FBN2: variants seen among roughly 807,000 people sequenced by gnomAD.
FBN2 encodes the protein fibrillin-2.
Under a neutral mutation model 355.6 loss-of-function variants are expected in FBN2, and 105 were observed. The observed-to-expected ratio is 0.30, with a 90% CI of 0.25 to 0.35. The LOEUF (loss-of-function observed/expected upper bound fraction) is 0.35. Ranked by LOEUF, FBN2 falls within the 10% of genes least tolerant of loss-of-function variation. The pLI, the probability that FBN2 is intolerant of heterozygous loss-of-function variation, is 1.00. For missense variants in FBN2, 3,280 were observed against 3,758.7 expected, an observed-to-expected ratio of 0.87 and a Z score of 3.33; for synonymous variants, 1,350 against 1,301.2, an observed-to-expected ratio of 1.04 and a Z score of -0.81.
intron 7 of FBN2, among the ~76,000 whole-genome samples, chr5:128,429,398 TA>T (rs1489304584): frequency 6.6e-6 from 1 of 152,150 alleles, no homozygotes; most frequent in East Asian, 1.9e-4. Context: ...GCAGTATTCC[TA>T]AAAAAATCGG....
chr5:128,310,098 C>T lies in FBN2; in HGVS notation c.5085G>A (p.Glu1695=), dbSNP rs781776855. 3 of 1,612,340 alleles carry T rather than the reference C, an allele frequency of 1.9e-6. No individual in the cohort carries two copies. The East Asian group carries it at 6.7e-5, about 36-fold the overall frequency. The change falls in exon 40 of 65, where the codon GAG becomes GAA. Residue 1695 remains glutamate, a synonymous_variant. Transcript: ENST00000262464. The stretch of plus-strand genomic sequence containing the variant: ...CACACACACCAGGATGTGCAAAACA[C>T]TCATCAATATCTAGAGTAGGCAAGA... ...EDTRICEDID[E]CFAHPGVCGP...
At chr5:128,370,005 G>A (rs1256763149) in intron 15 of FBN2, among the ~76,000 whole-genome samples, 2 of 152,208 alleles carry the variant, frequency 1.3e-5, no homozygotes, top group African/African-American at 4.8e-5. Context: ...AGATGAGGAA[G>A]ATGAGGTTCA....
Position 128,289,155 on chromosome 5 carries a change from G to T in FBN2, c.6609C>A (p.Asn2203Lys), listed in dbSNP as rs761101580. The T allele has an allele frequency of 3.7e-6, 6 of 1,613,966 alleles. No individual in the cohort carries two copies. The East Asian group carries it at 8.9e-5, about 24-fold the overall frequency. The stretch of plus-strand genomic sequence containing the variant: ...CACAGCGTACTCCAGTGTAGTCAAG[G>T]TTGTAGCCCATTGGACATTCACAGC... ...SFRCECPMGYNLDYTGVRCVD... is the reference protein window; with the variant it reads ...SFRCECPMGYKLDYTGVRCVD... The change falls in exon 52 of 65, where the codon AAC (asparagine) becomes AAA (lysine). Residue 2203 changes from asparagine (N) to lysine (K), a missense_variant. By Grantham distance (94) the Asn-to-Lys change is moderately conservative. Transcript: ENST00000262464.
At chr5:128,364,479 T>G in intron 18 of FBN2, 121 bp downstream of exon 18, 6 of 1,050,972 alleles carry the variant, frequency 5.7e-6, no homozygotes, top group Non-Finnish European at 7.0e-6. Context: ...ATGTGTAATA[T>G]GAAGAAAACA....
At position 128,324,865 on chromosome 5, in the gene FBN2, G is replaced by A. The variant is rs1046250991; in HGVS notation, c.4471+3831C>T. Among the ~76,000 whole-genome samples, 10 of 152,078 alleles carry A rather than the reference G, an allele frequency of 6.6e-5. 1 individual carries two copies. Among genetic ancestry groups the A allele is most frequent in the East Asian group, 1.9e-4 (1 of 5,158 alleles). On this transcript the variant is annotated intron_variant, in intron 34 of 64. Transcript: ENST00000262464. ...TGATCACCTGACCTCATGATCCACC[G>A]GCCTTGGCCTCCCAAAGTGTTAGGA...
intron 34 of FBN2, among the ~76,000 whole-genome samples, chr5:128,326,943 A>G (rs1450154635): frequency 6.6e-6 from 1 of 152,206 alleles, no homozygotes; most frequent in Admixed American, 6.5e-5. Flanking sequence ...GTAATACACA[A>G]TTAGGAAGGA....
intron 5 of FBN2, among the ~76,000 whole-genome samples, chr5:128,512,980 T>C (rs771603745): frequency 1.3e-5 from 2 of 152,204 alleles, no homozygotes; most frequent in Non-Finnish European, 2.9e-5. Flanking sequence ...AGGCATCAGA[T>C]AGGGCAATCA....
rs115772552 is a variant in FBN2, at chr5:128,259,919, G to T, written c.8365-90C>A. ...GATCAGCTGCAGGGGCTTTGGTCAC[G>T]AGGACAGGCTGTGGCTTCCCACTCC... On this transcript the variant is annotated intron_variant, in intron 64 of 64. Coordinates refer to ENST00000262464, the MANE Select transcript of FBN2 (RefSeq NM_001999.4). 1.9e-3 allele frequency: 2,701 copies of T among 1,391,250 alleles called. 41 individuals carry two copies. The African/African-American group carries it at 0.035, about 18-fold the overall frequency. The allele number at this position is 1,391,250 out of a possible 1,614,324, so 86.2% of individuals were successfully genotyped here. A position where few individuals can be genotyped will look rare whatever the true frequency, so the allele number is the denominator to read the frequency against.
intron 5 of FBN2, among the ~76,000 whole-genome samples, chr5:128,514,269 A>T (rs1179694587): frequency 1.3e-5 from 2 of 152,176 alleles, no homozygotes; most frequent in Non-Finnish European, 2.9e-5. Context: ...AATTAGTCTG[A>T]TACTGTTTTT....
intron 18 of FBN2, among the ~76,000 whole-genome samples, chr5:128,364,114 A>C (rs1416020255): frequency 1.3e-5 from 2 of 152,220 alleles, no homozygotes; most frequent in Non-Finnish European, 2.9e-5. Flanking sequence ...TGTTAAACAT[A>C]AATTACATAC....
chr5:128,437,819 T>TAGATAGACAGACAGAC (rs758049803), intron 7 of FBN2, among the ~76,000 whole-genome samples: 105 of 108,066 alleles, frequency 9.7e-4, no homozygotes, highest in African/African-American at 3.4e-3. Flanking sequence ...GATAGATAGA[T>TAGATAGACAGACAGAC]AGACAGACAG....
At chr5:128,442,494 T>C in intron 7 of FBN2, 1 of 331,118 alleles carries the variant, frequency 3.0e-6, no homozygotes, top group South Asian at 2.4e-5. Flanking sequence ...TAAATGGATA[T>C]TTAAATTAAT....
intron 5 of FBN2, among the ~76,000 whole-genome samples, chr5:128,500,430 CTTTTTTTTTTTTTT>C (rs149068555): frequency 1.8e-3 from 91 of 51,182 alleles, no homozygotes; most frequent in African/African-American, 8.5e-3. Flanking sequence ...TCTGACAATT[CTTTTTTTTTTTTTT>C]TTTTTTTTTT....
chr5:128,368,975 CTG>C (rs1315182334), intron 16 of FBN2, among the ~76,000 whole-genome samples: 3 of 151,896 alleles, frequency 2.0e-5, no homozygotes, highest in African/African-American at 7.3e-5. Context: ...TTTTTATTCA[CTG>C]TGTGTTCTGT....
At chr5:128,271,097 C>T (rs1386264127) in intron 62 of FBN2, among the ~76,000 whole-genome samples, 1 of 152,130 alleles carries the variant, frequency 6.6e-6, no homozygotes, top group Non-Finnish European at 1.5e-5. Flanking sequence ...ACTTAGCTGT[C>T]ACTAGAAATT....
intron 9 of FBN2, among the ~76,000 whole-genome samples, chr5:128,394,596 T>C (rs1251677917): frequency 1.3e-5 from 2 of 152,174 alleles, no homozygotes; most frequent in African/African-American, 4.8e-5. Context: ...TTCAAAATAA[T>C]TTAAAAAACA....
At chr5:128,496,838 TAAC>T (rs1755668549) in intron 5 of FBN2, among the ~76,000 whole-genome samples, 1 of 151,852 alleles carries the variant, frequency 6.6e-6, no homozygotes, top group Non-Finnish European at 1.5e-5. Context: ...CTATTAGAAT[TAAC>T]AAGTTCTGCA....
At chr5:128,326,350 G>A (rs1468340313) in intron 34 of FBN2, among the ~76,000 whole-genome samples, 1 of 152,154 alleles carries the variant, frequency 6.6e-6, no homozygotes, top group Non-Finnish European at 1.5e-5. Context: ...GATGAACTTA[G>A]CCTTTGCTCT....
chr5:128,401,246 G>C (rs756686994), intron 8 of FBN2, among the ~76,000 whole-genome samples: 3 of 152,170 alleles, frequency 2.0e-5, no homozygotes, highest in East Asian at 1.9e-4. Flanking sequence ...ATGATATTGA[G>C]AGGGGTTCAC....
Sources: allele counts gnomAD v4.1 joint callset (sites outside exome capture counted in the v4.1 genomes callset), GRCh38; gene constraint gnomAD v4.1.1; transcripts MANE v1.5; gene names NCBI Gene and HGNC (gene_info 2026-07-23, HGNC 2026-07-21).